Variants in KIAA1328 observed in about 807,000 individuals in gnomAD.
KIAA1328 encodes the protein KIAA1328.
Under a neutral mutation model 68.1 loss-of-function variants are expected in KIAA1328, and 52 were observed. The ratio of observed to expected loss-of-function variants is 0.76; its 90% CI spans 0.61 to 0.96. The LOEUF (loss-of-function observed/expected upper bound fraction) is 0.96. Ranked by LOEUF, KIAA1328 falls within the 40% of genes least tolerant of loss-of-function variation. The pLI is 0.00. For missense variants in KIAA1328, 641 were observed against 677.6 expected (o/e 0.95, Z 0.60); for synonymous variants, 232 against 239.4 (o/e 0.97, Z 0.28).
rs184995216 is a variant in KIAA1328, at chr18:36,994,371, A to G, written c.576+34936A>G. Among the ~76,000 whole-genome samples the G allele has an allele frequency of 2.0e-5, 3 of 152,300 alleles. No homozygotes were observed. In the East Asian group the frequency reaches 5.8e-4, roughly 29 times the overall value. On this transcript the variant is annotated intron_variant, in intron 6 of 9. Transcript: ENST00000280020. ...GAAATTTGAAAGAATTTTTTAGATCATCTTCTTCAGTGGAAGGGGAGCTTT... is the reference window on the plus strand; with the variant it reads ...GAAATTTGAAAGAATTTTTTAGATCGTCTTCTTCAGTGGAAGGGGAGCTTT...
intron 6 of KIAA1328, among the ~76,000 whole-genome samples, chr18:37,006,086 A>G (rs1346261208): frequency 6.6e-6 from 1 of 151,928 alleles, no homozygotes; most frequent in Non-Finnish European, 1.5e-5. Flanking sequence ...CAGGTGACAG[A>G]TACCCTAAAT....
intron 4 of KIAA1328, among the ~76,000 whole-genome samples, chr18:36,868,219 T>C (rs1046859922): frequency 2.0e-5 from 3 of 151,898 alleles, no homozygotes; most frequent in Non-Finnish European, 1.5e-5. Flanking sequence ...AAGGGATGAG[T>C]TGATATATGG....
chr18:36,884,870 T>C (rs2048445264), intron 4 of KIAA1328, among the ~76,000 whole-genome samples: 1 of 152,198 alleles, frequency 6.6e-6, no homozygotes, highest in South Asian at 2.1e-4. Flanking sequence ...TTTTGTTTTT[T>C]CTCTCTGTGC....
chr18:36,962,954 G>A (rs968396364), intron 6 of KIAA1328, among the ~76,000 whole-genome samples: 2 of 152,100 alleles, frequency 1.3e-5, no homozygotes, highest in Admixed American at 6.5e-5. Context: ...CAGAAGGCAA[G>A]AAATAACTAA....
intron 6 of KIAA1328, among the ~76,000 whole-genome samples, chr18:37,028,642 A>G (rs752086881): frequency 3.3e-5 from 5 of 151,832 alleles, no homozygotes; most frequent in Non-Finnish European, 7.4e-5. Context: ...TCCCATTAGT[A>G]TGATGCTGGC....
At chr18:36,940,552 A>G (rs1407608933) in intron 5 of KIAA1328, among the ~76,000 whole-genome samples, 2 of 152,148 alleles carry the variant, frequency 1.3e-5, no homozygotes, top group African/African-American at 4.8e-5. Flanking sequence ...GTGAAAGGCT[A>G]TGAATTCTTG....
At chr18:37,058,022 A>G (rs919036040) in intron 6 of KIAA1328, among the ~76,000 whole-genome samples, 1 of 152,220 alleles carries the variant, frequency 6.6e-6, no homozygotes, top group Admixed American at 6.5e-5. Context: ...TATTAGAGAA[A>G]GTATGGATAT....
At chr18:37,114,742 A>G (rs970809146) in intron 7 of KIAA1328, among the ~76,000 whole-genome samples, 1 of 152,174 alleles carries the variant, frequency 6.6e-6, no homozygotes, top group Non-Finnish European at 1.5e-5. Flanking sequence ...TGAAAAGATC[A>G]ACAAAACAAA....
At chr18:36,943,714 A>C (rs1320358171) in intron 5 of KIAA1328, among the ~76,000 whole-genome samples, 1 of 152,116 alleles carries the variant, frequency 6.6e-6, no homozygotes, top group Non-Finnish European at 1.5e-5. Context: ...AAAAAGAAGA[A>C]ATTTTGTTTT....
At chr18:37,227,765 C>T (rs987000822), downstream of KIAA1328, among the ~76,000 whole-genome samples, 4 of 152,242 alleles carry the variant, frequency 2.6e-5, no homozygotes, top group African/African-American at 9.7e-5. Context: ...AACACAGCAA[C>T]CATTCTGCAG....
intron 4 of KIAA1328, among the ~76,000 whole-genome samples, chr18:36,865,516 T>C (rs2047719824): frequency 6.6e-6 from 1 of 152,206 alleles, no homozygotes; most frequent in Admixed American, 6.5e-5. Flanking sequence ...TAATTGTAAC[T>C]CTCTTGGATG....
At chr18:37,193,729 G>C in intron 9 of KIAA1328, 1 of 641,886 alleles carries the variant, frequency 1.6e-6, no homozygotes, top group South Asian at 1.7e-5. Context: ...ATACTCACTT[G>C]TGAGAAACAG....
intron 6 of KIAA1328, among the ~76,000 whole-genome samples, chr18:36,984,806 T>G (rs1444644365): frequency 2.0e-5 from 3 of 147,032 alleles, no homozygotes; most frequent in African/African-American, 7.6e-5. Flanking sequence ...CTTAGGAGAC[T>G]GAGTCAGGAG....
chr18:36,898,530 C>T (rs2048935049), intron 5 of KIAA1328, among the ~76,000 whole-genome samples: 1 of 151,920 alleles, frequency 6.6e-6, no homozygotes, highest in African/African-American at 2.4e-5. Context: ...TTTTATGAAA[C>T]TATATCAGGA....
chr18:36,840,640 A>T (rs1322640408), intron 3 of KIAA1328, among the ~76,000 whole-genome samples: 2 of 151,934 alleles, frequency 1.3e-5, no homozygotes, highest in African/African-American at 4.8e-5. Flanking sequence ...ATAAACAGAG[A>T]TGGGGTTTCA....
chr18:37,094,930 A>G (rs1006445038), intron 7 of KIAA1328, among the ~76,000 whole-genome samples: 2 of 149,540 alleles, frequency 1.3e-5, no homozygotes, highest in Non-Finnish European at 2.9e-5. Flanking sequence ...TTATAGTTAT[A>G]TTGGACAAAA....
At chr18:36,980,755 G>A (rs2052650874) in intron 6 of KIAA1328, among the ~76,000 whole-genome samples, 1 of 152,140 alleles carries the variant, frequency 6.6e-6, no homozygotes, top group Non-Finnish European at 1.5e-5. Context: ...ATGGGGGCTG[G>A]TCTTTCCCAT....
chr18:37,182,900 A>G (rs1599532728), intron 9 of KIAA1328, among the ~76,000 whole-genome samples: 1 of 152,176 alleles, frequency 6.6e-6, no homozygotes, highest in Non-Finnish European at 1.5e-5. Context: ...GCTCTGGGAA[A>G]CAAGACTTCT....
At chr18:37,031,893 G>A (rs978652978) in intron 6 of KIAA1328, among the ~76,000 whole-genome samples, 1 of 152,122 alleles carries the variant, frequency 6.6e-6, no homozygotes, top group East Asian at 1.9e-4. Context: ...TATGCTGGGT[G>A]TGGTGGCTCA....
Sources: allele counts gnomAD v4.1 joint callset (sites outside exome capture counted in the v4.1 genomes callset), GRCh38; gene constraint gnomAD v4.1.1; transcripts MANE v1.5; gene names NCBI Gene and HGNC (gene_info 2026-07-23, HGNC 2026-07-21).